DYNC2H1: variants seen among roughly 807,000 people sequenced by gnomAD.
DYNC2H1 encodes the protein dynein cytoplasmic 2 heavy chain 1, also known as cytoplasmic dynein 2 heavy chain 1.
DYNC2H1 carries 410 observed loss-of-function variants against 570.0 expected under a neutral mutation model. The observed-to-expected ratio is 0.72, with a 90% CI of 0.66 to 0.78. DYNC2H1 has a LOEUF of 0.78. Ranked by LOEUF, DYNC2H1 falls within the 30% of genes least tolerant of loss-of-function variation. DYNC2H1 has a pLI of 0.00. For missense variants in DYNC2H1, 4,865 were observed against 5,046.4 expected, an observed-to-expected ratio of 0.96 and a Z score of 1.09; for synonymous variants, 1,688 against 1,677.6, an observed-to-expected ratio of 1.01 and a Z score of -0.15.
At chr11:103,235,641 T>G in intron 61 of DYNC2H1, 31 bp from the exon 62 acceptor site, 1 of 1,585,584 alleles carries the variant, frequency 6.3e-7, no homozygotes, top group Non-Finnish European at 8.6e-7. Flanking sequence ...TACTCATATA[T>G]CTCCCTCTTT....
At chr11:103,174,028 G>A (rs1278356932) in intron 35 of DYNC2H1, 27 bp from the exon 36 acceptor site, 4 of 1,472,632 alleles carry the variant, frequency 2.7e-6, no homozygotes, top group African/African-American at 1.4e-5. Context: ...GCTATTTGAT[G>A]TGTTGATTTC....
At position 103,189,754 on chromosome 11, in the gene DYNC2H1, A is replaced by G; in HGVS notation, c.7375A>G (p.Ile2459Val). Reference protein sequence around the residue: ...VLHKNLKNHSIWGSSSKIYLL... With the variant: ...VLHKNLKNHSVWGSSSKIYLL... ...ACATAAAAATCTGAAGAATCATTCT[A>G]TTTGGGGTTCTTCATCAAAAATTTA... Residue 2459 changes from isoleucine to valine, a missense_variant, in exon 45 of 89, where the codon ATT becomes GTT. By Grantham distance (29) the Ile-to-Val change is conservative. This residue lies in a region of DYNC2H1 where 2,401 missense variants were observed against 2,454.6 expected (regional missense o/e 0.98). Transcript: ENST00000375735. The surrounding 1 kb of genome is among the most constrained non-coding windows in gnomAD (Gnocchi z 4.3). The G allele has an allele frequency of 2.5e-6, 4 of 1,612,306 alleles. No individual in the cohort carries two copies. The highest frequency in any genetic ancestry group is 2.2e-5 in the South Asian group (2 of 90,928).
Position 103,153,437 on chromosome 11 carries a change from T to G in DYNC2H1, c.3231T>G (p.Asp1077Glu). The G allele has an allele frequency of 1.3e-6, 2 of 1,569,128 alleles. No homozygotes were observed. ...VIETGQHNTL[D>E]KSAKLIKEKK... is the part of the protein sequence containing the mutation. ...AAACTGGCCAACATAATACTCTTGA[T>G]AAAAGTGCAAAGTTAATAAAAGAGA... The change falls in exon 22 of 89, where the codon GAT (aspartate) becomes GAG (glutamate). Residue 1077 changes from aspartate to glutamate, a missense_variant. Asp to Glu is a conservative substitution (Grantham distance 45, BLOSUM62 2). Transcript: ENST00000375735.
At position 103,160,913 on chromosome 11, in the gene DYNC2H1, C is replaced by T. The variant is rs1395664533; in HGVS notation, c.4379-19C>T. ...GTCTTTAATCCTTTTGCAATTCAATCATTGCTTTTATATTTCAGGTATTAA... is the reference window on the plus strand; with the variant it reads ...GTCTTTAATCCTTTTGCAATTCAATTATTGCTTTTATATTTCAGGTATTAA... On this transcript the variant is annotated intron_variant, in intron 28 of 88. Transcript: ENST00000375735. 2 of 1,401,844 alleles carry T rather than the reference C, an allele frequency of 1.4e-6. No homozygotes were observed. Among genetic ancestry groups the T allele is most frequent in the Non-Finnish European group, 1.9e-6 (2 of 1,031,982 alleles). 86.8% of individuals were successfully genotyped at this position (1,401,844 alleles called of 1,614,324 possible). A position where few individuals can be genotyped will look rare whatever the true frequency, so the allele number is the denominator to read the frequency against.
At chr11:103,172,180 A>G (rs1456835465) in intron 34 of DYNC2H1, among the ~76,000 whole-genome samples, 1 of 152,148 alleles carries the variant, frequency 6.6e-6, no homozygotes, top group Non-Finnish European at 1.5e-5. Flanking sequence ...AAGAGAAGAA[A>G]CTATTAAGTG....
At chr11:103,460,763 T>C (rs1328817155) in intron 87 of DYNC2H1, among the ~76,000 whole-genome samples, 2 of 151,610 alleles carry the variant, frequency 1.3e-5, no homozygotes, top group Non-Finnish European at 2.9e-5. Flanking sequence ...AAGATTTATA[T>C]AGTAGGAAAT....
intron 82 of DYNC2H1, among the ~76,000 whole-genome samples, chr11:103,347,582 G>T (rs1038625055): frequency 2.0e-5 from 3 of 152,122 alleles, no homozygotes; most frequent in Non-Finnish European, 4.4e-5. Flanking sequence ...TACATTGTGG[G>T]TATCTTTGGG....
chr11:103,292,549 A>T (rs1363854262), intron 75 of DYNC2H1, among the ~76,000 whole-genome samples: 1 of 152,172 alleles, frequency 6.6e-6, no homozygotes, highest in Admixed American at 6.5e-5. Flanking sequence ...TACTTTGAAT[A>T]TACGTCCCTA....
At chr11:103,121,179 A>G (rs1212596618) in intron 9 of DYNC2H1, 143 bp downstream of exon 9, 1 of 922,014 alleles carries the variant, frequency 1.1e-6, no homozygotes, top group East Asian at 2.7e-5. Flanking sequence ...TCTGTTATAA[A>G]TGACAGATTT....
In DYNC2H1 at chr11:103,343,622, G is replaced by A. The variant is rs535061888; in HGVS notation, c.12040-14621G>A. Among the ~76,000 whole-genome samples, 10 of 152,192 alleles carry A rather than the reference G, an allele frequency of 6.6e-5. No homozygotes were observed. The South Asian group carries it at 1.5e-3, about 22-fold the overall frequency. On this transcript the variant is annotated intron_variant, in intron 82 of 88. Transcript: ENST00000375735. ...ATTATATCCTTCCTATTCATATGAC[G>A]AGAAGTGAGGACAAAAGGCGTCACT...
At chr11:103,313,360 A>G (rs144644091) in intron 79 of DYNC2H1, among the ~76,000 whole-genome samples, 1 of 152,150 alleles carries the variant, frequency 6.6e-6, no homozygotes, top group Non-Finnish European at 1.5e-5. Context: ...TTGCCATGGC[A>G]GTCATATCTG....
chr11:103,311,219 A>G (rs1250003118), intron 78 of DYNC2H1, among the ~76,000 whole-genome samples: 1 of 152,166 alleles, frequency 6.6e-6, no homozygotes, highest in Non-Finnish European at 1.5e-5. Context: ...TAATATTAGA[A>G]TTCTTTTCGA....
intron 36 of DYNC2H1, 21 bp downstream of exon 36, chr11:103,174,191 T>C: frequency 6.7e-7 from 1 of 1,491,748 alleles, no homozygotes; most frequent in Non-Finnish European, 9.1e-7. Context: ...TTATTCCAAA[T>C]ACATTAACTT....
rs1474433928 is a variant in DYNC2H1, at chr11:103,186,661, G to C, written c.6893+160G>C. On this transcript the variant is annotated intron_variant, in intron 42 of 88. Coordinates refer to ENST00000375735, the MANE Select transcript of DYNC2H1 (RefSeq NM_001377.3). The surrounding 1 kb of genome is among the most constrained non-coding windows in gnomAD (Gnocchi z 4.5). ...TACTTATAAAAATAAGAACTATGGG[G>C]AATAGTGTGTCCTTTTCTTTTCCAG... is the stretch of plus-strand genomic sequence containing the variant. Among the ~76,000 whole-genome samples the C allele has an allele frequency of 6.6e-6, 1 of 151,326 alleles. No homozygotes were observed. The highest frequency in any genetic ancestry group is 1.5e-5 in the Non-Finnish European group (1 of 67,810).
rs373977008 is a variant in DYNC2H1, at chr11:103,109,607, C to T, written c.33C>T (p.Leu11=). The T allele has an allele frequency of 6.7e-4, 1,078 of 1,613,962 alleles. No homozygotes were observed. Among genetic ancestry groups the T allele is most frequent in the Non-Finnish European group, 8.9e-4 (1,046 of 1,179,878 alleles). MANGTADVRK[L]FIFTTTQNYF... Reference sequence around the variant, plus strand: ...ACGGGACTGCGGACGTTCGGAAGCTCTTCATCTTCACTACTACCCAGAATT... The same window carrying T: ...ACGGGACTGCGGACGTTCGGAAGCTTTTCATCTTCACTACTACCCAGAATT... Residue 11 remains leucine (L), a synonymous_variant, in exon 1 of 89, where the codon CTC becomes CTT. Transcript: ENST00000375735.
Position 103,109,470 on chromosome 11 carries a change from T to C in DYNC2H1, c.-105T>C. On this transcript the variant is annotated 5_prime_UTR_variant, in exon 1 of 89. Coordinates refer to ENST00000375735, the MANE Select transcript of DYNC2H1 (RefSeq NM_001377.3). ...ACCGCGAAGCTCTGCGGTCCCGCGG[T>C]CGGGCTACGGGTTTGAGCAAAGCTC... 8.9e-7 allele frequency: 1 copy of C among 1,125,736 alleles called. No individual in the cohort carries two copies. Among genetic ancestry groups the C allele is most frequent in the Non-Finnish European group, 1.2e-6 (1 of 816,132 alleles). The allele number at this position is 1,125,736 out of a possible 1,614,324, so 69.7% of individuals were successfully genotyped here.
chr11:103,192,245 C>A lies in DYNC2H1; in HGVS notation c.7689C>A (p.Asp2563Glu). The A allele has an allele frequency of 6.4e-7, 1 of 1,563,134 alleles. No individual in the cohort carries two copies. The highest frequency in any genetic ancestry group is 1.2e-5 in the South Asian group (1 of 80,918). Residue 2563 changes from aspartate to glutamate, a missense_variant, in exon 47 of 89, where the codon GAC (aspartate) becomes GAA (glutamate). Asp to Glu is a conservative substitution (Grantham distance 45). Around this residue, in one of 5 missense-constraint regions of DYNC2H1, gnomAD observed 2,401 missense variants for 2,454.6 expected, o/e 0.98. Coordinates refer to ENST00000375735, the MANE Select transcript of DYNC2H1 (RefSeq NM_001377.3). ...TSVFQGDWGS[D>E]ILDNMSDSFY... The stretch of plus-strand genomic sequence containing the variant: ...TGTTTCAAGGAGATTGGGGCTCAGA[C>A]ATATTAGACAATATGTCAGGTAAGG...
chr11:103,115,173 A>G lies in DYNC2H1; in HGVS notation c.503-4A>G. 6.3e-7 allele frequency: 1 copy of G among 1,599,300 alleles called. No individual in the cohort carries two copies. Among genetic ancestry groups the G allele is most frequent in the Non-Finnish European group, 8.5e-7 (1 of 1,172,166 alleles). On this transcript the variant is annotated splice_region_variant and splice_polypyrimidine_tract_variant and intron_variant, in intron 3 of 88. Coordinates refer to ENST00000375735, the MANE Select transcript of DYNC2H1 (RefSeq NM_001377.3). ...CCATTTTTTTCCCCTCTTGACTTTTATAGGTATCCTTACACCAAGCGATGA... is the reference window on the plus strand; with the variant it reads ...CCATTTTTTTCCCCTCTTGACTTTTGTAGGTATCCTTACACCAAGCGATGA...
At chr11:103,367,280 A>G (rs1940952691) in intron 83 of DYNC2H1, among the ~76,000 whole-genome samples, 1 of 152,114 alleles carries the variant, frequency 6.6e-6, no homozygotes, top group South Asian at 2.1e-4. Flanking sequence ...ATGCTTTTTC[A>G]TCATTTTTCC....
Sources: allele counts gnomAD v4.1 joint callset (sites outside exome capture counted in the v4.1 genomes callset), GRCh38; gene constraint gnomAD v4.1.1; regional missense constraint gnomAD v4.1.1; non-coding constraint Gnocchi (gnomAD v3.1); transcripts MANE v1.5; gene names NCBI Gene and HGNC (gene_info 2026-07-23, HGNC 2026-07-21).